Variants in TASP1 observed in about 807,000 individuals in gnomAD.
The protein encoded by TASP1 is taspase 1.
In TASP1, 16 loss-of-function variants were observed where a neutral mutation model predicts 56.6. The observed-to-expected ratio is 0.28, with a 90% confidence interval of 0.19 to 0.43. The LOEUF is 0.43. Ranked by LOEUF, TASP1 falls within the 20% of genes least tolerant of loss-of-function variation. TASP1 has a pLI of 1.00. For synonymous variants in TASP1, 179 were observed against 184.2 expected, an observed-to-expected ratio of 0.97 and a Z score of 0.23; for missense variants, 393 against 511.6, an observed-to-expected ratio of 0.77 and a Z score of 2.24.
chr20:13,394,629 TG>T (rs1259533346), intron 13 of TASP1, among the ~76,000 whole-genome samples: 1 of 151,696 alleles, frequency 6.6e-6, no homozygotes, highest in Non-Finnish European at 1.5e-5. Context: ...AAAGAAACTT[TG>T]TTTTTTTTTT....
chr20:13,335,859 GTT>G, the TASP1 span, among the ~76,000 whole-genome samples: 2 of 152,136 alleles, frequency 1.3e-5, no homozygotes, highest in African/African-American at 4.8e-5. Context: ...TCCAAGAGAA[GTT>G]GGAGGCAGAC....
chr20:13,572,896 T>C (rs191855104), intron 6 of TASP1, among the ~76,000 whole-genome samples: 2 of 152,122 alleles, frequency 1.3e-5, no homozygotes, highest in African/African-American at 2.4e-5. Context: ...ATGTGTAATT[T>C]AGTGGTTCAG....
chr20:13,318,660 A>G, the TASP1 span, among the ~76,000 whole-genome samples: 1 of 152,246 alleles, frequency 6.6e-6, no homozygotes, highest in Non-Finnish European at 1.5e-5. Flanking sequence ...CTGGCTATCC[A>G]GTGCTAATAA....
chr20:13,199,918 C>A, the TASP1 span, among the ~76,000 whole-genome samples: 4 of 152,202 alleles, frequency 2.6e-5, no homozygotes, highest in East Asian at 1.9e-4. Context: ...GACTCAATAA[C>A]TTTTCCACTT....
At chr20:13,141,776 A>G in the TASP1 span, among the ~76,000 whole-genome samples, 1 of 152,156 alleles carries the variant, frequency 6.6e-6, no homozygotes, top group Admixed American at 6.5e-5. Context: ...GTAATACAAA[A>G]CAGATGTTGG....
At chr20:13,334,391 G>GTATAGAAACTGTTGTAC in the TASP1 span, among the ~76,000 whole-genome samples, 1 of 152,184 alleles carries the variant, frequency 6.6e-6, no homozygotes, top group East Asian at 1.9e-4. Flanking sequence ...AACTGTCGTA[G>GTATAGAAACTGTTGTAC]TATAGAAACT....
intron 10 of TASP1, among the ~76,000 whole-genome samples, chr20:13,506,647 A>T (rs942457525): frequency 4.6e-5 from 7 of 152,150 alleles, no homozygotes; most frequent in Non-Finnish European, 8.8e-5. Context: ...AAACCATATG[A>T]TCATCTCAAG....
chr20:13,575,875 TA>T (rs906846597), intron 6 of TASP1, among the ~76,000 whole-genome samples: 17 of 151,948 alleles, frequency 1.1e-4, no homozygotes, highest in Admixed American at 3.3e-4. Context: ...AGGTTAGAAA[TA>T]GAAATAAAAC....
At chr20:13,301,112 G>A in the TASP1 span, among the ~76,000 whole-genome samples, 2 of 151,946 alleles carry the variant, frequency 1.3e-5, no homozygotes, top group Non-Finnish European at 2.9e-5. Context: ...TTATATTCCC[G>A]GTACCTTTGG....
chr20:13,116,428 G>T, the TASP1 span, among the ~76,000 whole-genome samples: 2 of 152,160 alleles, frequency 1.3e-5, no homozygotes, highest in African/African-American at 4.8e-5. Context: ...GACACAGCTT[G>T]CAAAGTGTTC....
intron 9 of TASP1, among the ~76,000 whole-genome samples, chr20:13,533,698 G>T (rs919212990): frequency 6.6e-6 from 1 of 152,074 alleles, no homozygotes; most frequent in African/African-American, 2.4e-5. Context: ...TTCCTAAAGA[G>T]AGTGACATTT....
At chr20:13,527,168 C>T (rs1450869151) in intron 10 of TASP1, among the ~76,000 whole-genome samples, 4 of 152,102 alleles carry the variant, frequency 2.6e-5, no homozygotes, top group East Asian at 1.9e-4. Flanking sequence ...CAAGATGGAA[C>T]AGGTCAGAGA....
the TASP1 span, among the ~76,000 whole-genome samples, chr20:13,296,644 G>C: frequency 1.3e-5 from 2 of 152,180 alleles, no homozygotes; most frequent in Admixed American, 6.5e-5. Flanking sequence ...CTTAAGGAGG[G>C]GCTGTGCTGG....
intron 1 of TASP1, among the ~76,000 whole-genome samples, chr20:13,632,393 A>G (rs1037624378): frequency 1.3e-5 from 2 of 151,870 alleles, no homozygotes; most frequent in Admixed American, 1.3e-4. Flanking sequence ...AAAAGAAAAA[A>G]AGAAAAGAAA....
At chr20:13,165,484 G>A in the TASP1 span, 2 of 152,192 alleles carry the variant, frequency 1.3e-5, no homozygotes, top group Non-Finnish European at 2.9e-5. Context: ...GACTAGAGAC[G>A]TCTTTGAAGG....
the TASP1 span, among the ~76,000 whole-genome samples, chr20:13,122,408 G>A: frequency 6.6e-6 from 1 of 152,228 alleles, no homozygotes; most frequent in African/African-American, 2.4e-5. Context: ...GGTAAGGAGA[G>A]TGGAATTGGG....
At chr20:13,441,824 T>C (rs2043221976) in intron 11 of TASP1, among the ~76,000 whole-genome samples, 1 of 152,162 alleles carries the variant, frequency 6.6e-6, no homozygotes. Flanking sequence ...CAATATATTC[T>C]GCAAGTAGAA....
the TASP1 span, among the ~76,000 whole-genome samples, chr20:13,180,288 G>A: frequency 6.6e-6 from 1 of 152,062 alleles, no homozygotes; most frequent in Non-Finnish European, 1.5e-5. Flanking sequence ...ATACACCCCA[G>A]CCAGACAATA....
the TASP1 span, among the ~76,000 whole-genome samples, chr20:13,295,494 C>T: frequency 6.6e-6 from 1 of 152,200 alleles, no homozygotes; most frequent in Non-Finnish European, 1.5e-5. Context: ...CCTTAGTTTG[C>T]ACAATGAATG....
Sources: gnomAD v4.1 joint callset for allele counts (sites outside exome capture counted in the v4.1 genomes callset) on GRCh38, gnomAD v4.1.1 for gene constraint, MANE v1.5 for transcripts, NCBI Gene and HGNC (gene_info 2026-07-23, HGNC 2026-07-21) for gene names.